The following FCHO1 variants were observed in gnomAD, a reference collection of about 807,000 sequenced individuals.
The protein encoded by FCHO1 is F-BAR domain only protein 1.
In FCHO1, 45 loss-of-function variants were observed where a neutral mutation model predicts 114.4. That is an observed-to-expected ratio of 0.39 (90% confidence interval 0.31 to 0.50). The LOEUF is 0.50. Among genes scored for constraint, FCHO1 ranks in the 20% least tolerant of loss-of-function variants. FCHO1 has a pLI of 0.77. For synonymous variants in FCHO1, 480 were observed against 488.9 expected (o/e 0.98, Z 0.24); for missense variants, 1,042 against 1,209.6 (o/e 0.86, Z 2.06).
At chr19:17,770,723 G>T in intron 8 of FCHO1, 69 bp from the exon 9 acceptor site, 1 of 1,594,758 alleles carries the variant, frequency 6.3e-7, no homozygotes, top group Non-Finnish European at 8.6e-7. Context: ...CACCTGCCAG[G>T]TGATGGGGCC....
chr19:17,788,283 G>A lies in FCHO1; in HGVS notation c.2648-1G>A. The A allele has an allele frequency of 8.0e-7, 1 of 1,246,232 alleles. No homozygotes were observed. Among genetic ancestry groups the A allele is most frequent in the East Asian group, 4.8e-5 (1 of 20,848 alleles). 77.2% of individuals were successfully genotyped at this position (1,246,232 alleles called of 1,614,324 possible). A position where few individuals can be genotyped will look rare whatever the true frequency, so the allele number is the denominator to read the frequency against. The stretch of plus-strand genomic sequence containing the variant: ...TCCCCCTCACAGCTGCACCCCCACA[G>A]GGATGTACCTGGTGAGCTGCTGAAC... On this transcript the variant is annotated splice_acceptor_variant, in intron 28 of 28. Transcript: ENST00000596536. LOFTEE classifies it high-confidence loss of function.
chr19:17,768,810 C>T (rs949228450), intron 7 of FCHO1, among the ~76,000 whole-genome samples: 3 of 151,730 alleles, frequency 2.0e-5, no homozygotes, highest in Non-Finnish European at 4.4e-5. Context: ...GTTGGCATTA[C>T]AGGCATGGGT....
In FCHO1 at chr19:17,775,159, C is replaced by A. The variant is rs2092441498; in HGVS notation, c.945+79C>A. On this transcript the variant is annotated intron_variant, in intron 14 of 28. Transcript: ENST00000596536. The surrounding 1 kb of genome is among the most constrained non-coding windows in gnomAD (Gnocchi z 5.1). ...CACTCTTGGCTCCTAGAGTCCCGATCCCTACTGGAAACTAAAGAGCCGAGA... is the reference window on the plus strand; with the variant it reads ...CACTCTTGGCTCCTAGAGTCCCGATACCTACTGGAAACTAAAGAGCCGAGA... 6.7e-7 allele frequency: 1 copy of A among 1,485,930 alleles called. No homozygotes were observed. The highest frequency in any genetic ancestry group is 1.2e-5 in the South Asian group (1 of 82,306). The allele number at this position is 1,485,930 out of a possible 1,614,324, so 92.0% of individuals were successfully genotyped here. A position where few individuals can be genotyped will look rare whatever the true frequency, so the allele number is the denominator to read the frequency against.
At chr19:17,747,967 C>T (rs1052109844), upstream of FCHO1, among the ~76,000 whole-genome samples, 1 of 152,230 alleles carries the variant, frequency 6.6e-6, no homozygotes, top group Non-Finnish European at 1.5e-5. Flanking sequence ...CGGTGGGCGC[C>T]CCGGCTTCCC....
In FCHO1 at chr19:17,788,410, A is replaced by G; in HGVS notation, c.*104A>G. 1 of 842,546 alleles carries G rather than the reference A, an allele frequency of 1.2e-6. No homozygotes were observed. The highest frequency in any genetic ancestry group is 1.6e-5 in the South Asian group (1 of 63,350). The allele number at this position is 842,546 out of a possible 1,614,324, so 52.2% of individuals were successfully genotyped here. On this transcript the variant is annotated 3_prime_UTR_variant, in exon 29 of 29. Coordinates refer to ENST00000596536, the MANE Select transcript of FCHO1 (RefSeq NM_015122.3). ...GGGGCCTCCCACCCCAGCCTCCCTG[A>G]GGCCCATACTCCACGGAGAGGAGCC...
intron 19 of FCHO1, 138 bp downstream of exon 19, chr19:17,778,366 A>T: frequency 1.3e-6 from 1 of 751,326 alleles, no homozygotes. Flanking sequence ...GGGCGGGGCC[A>T]GAGTGCGCGT....
At chr19:17,786,447 A>C (rs2093905861) in intron 26 of FCHO1, 127 bp from the exon 27 acceptor site, 3 of 858,634 alleles carry the variant, frequency 3.5e-6, no homozygotes. Context: ...TTCACAGATG[A>C]GGAAATTGAG....
At chr19:17,779,035 G>A (rs1323403896) in intron 20 of FCHO1, 151 bp downstream of exon 20, 8 of 869,208 alleles carry the variant, frequency 9.2e-6, no homozygotes. Flanking sequence ...ACAATGAGAT[G>A]GACATTTAGC....
chr19:17,783,469 T>C (rs2035389177), intron 24 of FCHO1, among the ~76,000 whole-genome samples: 1 of 152,040 alleles, frequency 6.6e-6, no homozygotes, highest in African/African-American at 2.4e-5. Flanking sequence ...GGTTTCATCA[T>C]GTTGCCCAGG....
intron 13 of FCHO1, 106 bp from the exon 14 acceptor site, chr19:17,774,950 C>A: frequency 7.7e-7 from 1 of 1,299,446 alleles, no homozygotes; most frequent in Non-Finnish European, 1.1e-6. Flanking sequence ...AGGGCAGTAT[C>A]ACAGTCTGGG....
intron 12 of FCHO1, 34 bp from the exon 13 acceptor site, chr19:17,774,360 C>G: frequency 6.2e-7 from 1 of 1,613,160 alleles, no homozygotes; most frequent in Non-Finnish European, 8.5e-7. Flanking sequence ...AAAGGAGGCT[C>G]ACAGTGCTCA....
rs930746316 is a variant in FCHO1 at position 17,784,507 on chromosome 19, A to G, written c.2227-218A>G. On this transcript the variant is annotated intron_variant, in intron 25 of 28. Coordinates refer to ENST00000596536, the MANE Select transcript of FCHO1 (RefSeq NM_015122.3). This position sits in a 1 kb window ranked among gnomAD's most constrained non-coding sequence, Gnocchi z 5.3. ...AAGCAGCCCAGCCCCGGAACCTTACACTTGAACTTCCCTGGGAGACTTTGT... is the reference window on the plus strand; with the variant it reads ...AAGCAGCCCAGCCCCGGAACCTTACGCTTGAACTTCCCTGGGAGACTTTGT... Among the ~76,000 whole-genome samples the G allele has an allele frequency of 6.6e-6, 1 of 152,026 alleles. No individual in the cohort carries two copies. Among genetic ancestry groups the G allele is most frequent in the African/African-American group, 2.4e-5 (1 of 41,382 alleles).
upstream of FCHO1, among the ~76,000 whole-genome samples, chr19:17,748,894 T>C (rs544313099): frequency 6.6e-6 from 1 of 152,220 alleles, no homozygotes; most frequent in Non-Finnish European, 1.5e-5. Context: ...ATGTGGGTGG[T>C]TTGGGGTCAA....
intron 4 of FCHO1, among the ~76,000 whole-genome samples, chr19:17,757,685 A>G (rs1469636865): frequency 6.6e-6 from 1 of 152,140 alleles, no homozygotes; most frequent in Non-Finnish European, 1.5e-5. Context: ...AGAAGCTGAG[A>G]TGGCGGATCG....
At chr19:17,758,205 A>G (rs2084542818) in intron 4 of FCHO1, among the ~76,000 whole-genome samples, 1 of 150,600 alleles carries the variant, frequency 6.6e-6, no homozygotes, top group African/African-American at 2.4e-5. Context: ...ACAGAGTGAG[A>G]CTCCGTCTCA....
At chr19:17,771,795 G>A (rs2091656357) in intron 9 of FCHO1, among the ~76,000 whole-genome samples, 1 of 152,140 alleles carries the variant, frequency 6.6e-6, no homozygotes, top group Admixed American at 6.6e-5. Context: ...AAATAGTGCT[G>A]GCAGGAAATT....
At position 17,781,791 on chromosome 19, in the gene FCHO1, C is replaced by A; in HGVS notation, c.1908C>A (p.Val636=). 1 of 1,608,020 alleles carries A rather than the reference C, an allele frequency of 6.2e-7. No homozygotes were observed. Among genetic ancestry groups the A allele is most frequent in the South Asian group, 1.1e-5 (1 of 90,306 alleles). The change falls in exon 23 of 29, where the codon GTC becomes GTA. Residue 636 remains valine, a synonymous_variant. Coordinates refer to ENST00000596536, the MANE Select transcript of FCHO1 (RefSeq NM_015122.3). ...LPIATAFTEY[V]HAYFRGHSPS... ...TAGCCACAGCCTTCACAGAGTATGTCCACGCCTACTTCCGTGGCCACAGCC... is the reference window on the plus strand; with the variant it reads ...TAGCCACAGCCTTCACAGAGTATGTACACGCCTACTTCCGTGGCCACAGCC...
Position 17,775,219 on chromosome 19 carries a change from A to G in FCHO1, c.945+139A>G. 3 of 983,290 alleles carry G rather than the reference A, an allele frequency of 3.1e-6. No homozygotes were observed. The highest frequency in any genetic ancestry group is 1.6e-5 in the African/African-American group (1 of 61,710). The allele number at this position is 983,290 out of a possible 1,614,324, so 60.9% of individuals were successfully genotyped here. A position where few individuals can be genotyped will look rare whatever the true frequency, so the allele number is the denominator to read the frequency against. ...GGGCTGGAGCCTGGGGGCTGGGTTC[A>G]TATCCCACCTCAGCTGCAAAGTCCC... On this transcript the variant is annotated intron_variant, in intron 14 of 28. Coordinates refer to ENST00000596536, the MANE Select transcript of FCHO1 (RefSeq NM_015122.3). The surrounding 1 kb of genome is among the most constrained non-coding windows in gnomAD (Gnocchi z 5.1).
chr19:17,754,916 G>A (rs1350416582), intron 3 of FCHO1: 1 of 529,894 alleles, frequency 1.9e-6, no homozygotes, highest in Non-Finnish European at 3.4e-6. Context: ...GGGCATCTGT[G>A]TCTTGTTCTG....
Sources: gnomAD v4.1 joint callset for allele counts (sites outside exome capture counted in the v4.1 genomes callset) on GRCh38, gnomAD v4.1.1 for gene constraint, Gnocchi (gnomAD v3.1) non-coding constraint, MANE v1.5 for transcripts, NCBI Gene and HGNC (gene_info 2026-07-23, HGNC 2026-07-21) for gene names.